EMCN: variants seen among roughly 807,000 people sequenced by gnomAD.
EMCN encodes MUC-14.
EMCN carries 37 observed loss-of-function variants against 38.4 expected under a neutral mutation model. That is an observed-to-expected ratio of 0.96 (90% confidence interval 0.74 to 1.27). EMCN has a LOEUF of 1.27. Among genes scored for constraint, EMCN ranks in the 50% most tolerant of loss-of-function variants. The probability of loss-of-function intolerance (pLI) is 0.00; values close to 1 mark genes in which losing one functional copy is unlikely to be tolerated. For missense variants in EMCN, 318 were observed against 302.8 expected (o/e 1.05, Z -0.37); for synonymous variants, 95 against 100.8 (o/e 0.94, Z 0.35).
At chr4:100,455,304 A>C (rs1727978931) in intron 4 of EMCN, among the ~76,000 whole-genome samples, 1 of 152,100 alleles carries the variant, frequency 6.6e-6, no homozygotes, top group Non-Finnish European at 1.5e-5. Context: ...TTAAACAATA[A>C]ATTGTCTTTT....
At chr4:100,399,664 G>T (rs1368927017) in intron 11 of EMCN, among the ~76,000 whole-genome samples, 1 of 152,176 alleles carries the variant, frequency 6.6e-6, no homozygotes, top group East Asian at 1.9e-4. Context: ...TGCAGACAAG[G>T]CCTCTCCTTC....
At chr4:100,431,623 C>T (rs921973936) in intron 5 of EMCN, among the ~76,000 whole-genome samples, 1 of 152,132 alleles carries the variant, frequency 6.6e-6, no homozygotes, top group Admixed American at 6.6e-5. Context: ...GACCCTGGTT[C>T]TCAGGCCTTT....
intron 11 of EMCN, among the ~76,000 whole-genome samples, chr4:100,407,278 C>T (rs980327567): frequency 1.3e-4 from 19 of 151,916 alleles, no homozygotes; most frequent in Non-Finnish European, 2.7e-4. Flanking sequence ...TGTTACCTGG[C>T]GTTACGTAGA....
At chr4:100,504,030 C>T (rs1300304788) in intron 1 of EMCN, among the ~76,000 whole-genome samples, 1 of 152,040 alleles carries the variant, frequency 6.6e-6, no homozygotes, top group African/African-American at 2.4e-5. Context: ...GTTTGATAAA[C>T]CCTGTAAACC....
At chr4:100,474,827 G>A (rs1419199731) in intron 3 of EMCN, among the ~76,000 whole-genome samples, 1 of 152,124 alleles carries the variant, frequency 6.6e-6, no homozygotes, top group Non-Finnish European at 1.5e-5. Context: ...GTGGTTACCA[G>A]AAGCTGGGAG....
chr4:100,454,462 C>A (rs968612082), intron 4 of EMCN, among the ~76,000 whole-genome samples: 1 of 152,076 alleles, frequency 6.6e-6, no homozygotes, highest in Non-Finnish European at 1.5e-5. Context: ...AGGGCTAATG[C>A]AAGGACCTGG....
At position 100,466,655 on chromosome 4, in the gene EMCN, T is replaced by C. The variant is rs189195099; in HGVS notation, c.260-1116A>G. Among the ~76,000 whole-genome samples, 525 of 152,274 alleles carry C rather than the reference T, an allele frequency of 3.4e-3. 3 individuals carry two copies. Among genetic ancestry groups the C allele is most frequent in the Non-Finnish European group, 4.1e-3 (279 of 68,016 alleles). ...CACATTTCAGAGGTATCATGAAGTGTTAAATTGGGAGGAAAATATGTGAAG... is the reference window on the plus strand; with the variant it reads ...CACATTTCAGAGGTATCATGAAGTGCTAAATTGGGAGGAAAATATGTGAAG... On this transcript the variant is annotated intron_variant, in intron 3 of 11. Transcript: ENST00000296420.
chr4:100,448,842 C>T (rs12644607), intron 4 of EMCN, among the ~76,000 whole-genome samples: 133,307 of 144,186 alleles, frequency 0.92, 61,227 homozygotes, highest in South Asian at 0.97. Flanking sequence ...CTCCCTCCCT[C>T]CCTTCCTTGC....
chr4:100,459,863 A>G (rs1238927233), intron 4 of EMCN, among the ~76,000 whole-genome samples: 3 of 152,246 alleles, frequency 2.0e-5, no homozygotes, highest in East Asian at 3.9e-4. Flanking sequence ...TATCTTGTCT[A>G]TTGTGAATAT....
intron 1 of EMCN, among the ~76,000 whole-genome samples, chr4:100,495,029 A>C (rs2110295488): frequency 6.6e-6 from 1 of 152,214 alleles, no homozygotes; most frequent in Admixed American, 6.5e-5. Flanking sequence ...ATAAGAATCC[A>C]AAGAAATATG....
intron 4 of EMCN, among the ~76,000 whole-genome samples, chr4:100,460,002 C>T (rs544149599): frequency 3.3e-5 from 5 of 152,290 alleles, no homozygotes; most frequent in Non-Finnish European, 7.3e-5. Flanking sequence ...AATATCCATA[C>T]AGTTTTCCAC....
intron 1 of EMCN, among the ~76,000 whole-genome samples, chr4:100,515,873 G>A (rs999608783): frequency 6.6e-6 from 1 of 152,022 alleles, no homozygotes; most frequent in East Asian, 1.9e-4. Flanking sequence ...AAAACAGGCA[G>A]AACCAGGTAC....
chr4:100,426,938 A>G (rs188878082), intron 5 of EMCN, among the ~76,000 whole-genome samples: 3 of 152,250 alleles, frequency 2.0e-5, no homozygotes, highest in Admixed American at 2.0e-4. Context: ...CTATGGGTTT[A>G]CAAAATCCCT....
At chr4:100,455,887 C>G (rs975638452) in intron 4 of EMCN, among the ~76,000 whole-genome samples, 2 of 152,062 alleles carry the variant, frequency 1.3e-5, no homozygotes, top group African/African-American at 4.8e-5. Flanking sequence ...CTCGATCTCC[C>G]TGGCTCAATC....
At chr4:100,496,363 G>C (rs1199130323) in intron 1 of EMCN, among the ~76,000 whole-genome samples, 1 of 152,166 alleles carries the variant, frequency 6.6e-6, no homozygotes, top group African/African-American at 2.4e-5. Flanking sequence ...AGAAAAAAAT[G>C]CTGGCAAAAG....
intron 5 of EMCN, among the ~76,000 whole-genome samples, chr4:100,430,198 G>A (rs1727157930): frequency 6.6e-6 from 1 of 152,058 alleles, no homozygotes; most frequent in Non-Finnish European, 1.5e-5. Flanking sequence ...ATTAGTATTT[G>A]CATTTTACAA....
At chr4:100,447,716 TC>T in intron 4 of EMCN, 145 bp from the exon 5 acceptor site, 1 of 617,806 alleles carries the variant, frequency 1.6e-6, no homozygotes, top group Non-Finnish European at 2.8e-6. Flanking sequence ...TCATGATTCT[TC>T]ATGATTACAA....
chr4:100,447,500 T>C (rs774856115), intron 5 of EMCN, 33 bp downstream of exon 5: 4 of 1,507,616 alleles, frequency 2.7e-6, no homozygotes, highest in Non-Finnish European at 3.7e-6. Flanking sequence ...CCCATGAAAA[T>C]ACTAAGAGAG....
chr4:100,495,562 G>C (rs1560640350), intron 1 of EMCN, among the ~76,000 whole-genome samples: 1 of 151,982 alleles, frequency 6.6e-6, no homozygotes, highest in Non-Finnish European at 1.5e-5. Context: ...ATTCATGCCA[G>C]AACAATTAAA....
Sources: gnomAD v4.1 joint callset for allele counts (sites outside exome capture counted in the v4.1 genomes callset) on GRCh38, gnomAD v4.1.1 for gene constraint, MANE v1.5 for transcripts, NCBI Gene and HGNC (gene_info 2026-07-23, HGNC 2026-07-21) for gene names.